The following AFF3 variants were observed in gnomAD, a reference collection of about 807,000 sequenced individuals.
The protein encoded by AFF3 is AF4/FMR2 family member 3.
Under a neutral mutation model 129.7 loss-of-function variants are expected in AFF3, and 32 were observed. The observed-to-expected ratio is 0.25, with a 90% CI of 0.19 to 0.33. The LOEUF (loss-of-function observed/expected upper bound fraction) is 0.33, where lower values mean the gene tolerates loss of function less well. AFF3 is among the 10% of genes least tolerant of loss of function. The probability of loss-of-function intolerance (pLI) is 1.00; values close to 1 mark genes in which losing one functional copy is unlikely to be tolerated. For missense variants in AFF3, 1,373 were observed against 1,592.0 expected, an observed-to-expected ratio of 0.86 and a Z score of 2.34; for synonymous variants, 644 against 635.4, an observed-to-expected ratio of 1.01 and a Z score of -0.20.
intron 18 of AFF3, among the ~76,000 whole-genome samples, chr2:99,575,532 A>AT (rs991673159): frequency 1.3e-5 from 2 of 150,726 alleles, no homozygotes; most frequent in African/African-American, 2.4e-5. Context: ...AAGTGCTGGG[A>AT]TTACAGGCAT....
At position 100,043,934 on chromosome 2, in the gene AFF3, C is replaced by G. The variant is rs145488142; in HGVS notation, c.54-35002G>C. 2.3e-3 allele frequency among the ~76,000 whole-genome samples: 352 copies of G among 152,298 alleles called. 5 individuals are homozygous for G. The highest frequency in any genetic ancestry group is 7.9e-3 in the African/African-American group (330 of 41,562). On this transcript the variant is annotated intron_variant, in intron 4 of 24. Transcript: ENST00000672756. ...TGTTCATCCTCACTTAAATTTGCAG[C>G]CAAAATTATTTTTTCAGTCTCTTTA...
chr2:99,743,142 C>T (rs199635897), intron 10 of AFF3, among the ~76,000 whole-genome samples: 4,663 of 147,234 alleles, frequency 0.032, 266 homozygotes, highest in African/African-American at 0.11. Context: ...GGTGCCTGTA[C>T]CCACAGCAAA....
rs1449016061 is a variant in AFF3 at position 99,766,527 on chromosome 2, C to T, written c.922-14226G>A. 2.0e-5 allele frequency among the ~76,000 whole-genome samples: 3 copies of T among 152,126 alleles called. No homozygotes were observed. The East Asian group carries it at 5.8e-4, about 29-fold the overall frequency. ...CAGAGGCTGGAGGAAAGCTGGTTAG[C>T]CTTGGAAAAACCATCTTTTCTTTTT... On this transcript the variant is annotated intron_variant, in intron 8 of 24. Transcript: ENST00000672756.
chr2:100,060,247 G>A lies in AFF3; in HGVS notation c.53+44155C>T, dbSNP rs1348230340. Among the ~76,000 whole-genome samples the A allele has an allele frequency of 2.0e-5, 3 of 152,198 alleles. No individual in the cohort carries two copies. The East Asian group carries it at 5.8e-4, about 29-fold the overall frequency. On this transcript the variant is annotated intron_variant, in intron 4 of 24. Transcript: ENST00000672756. ...AAAGTCCTGGTGCTACAACAGAGAT[G>A]TAGCCTATGCCAGATAAGCTTTACA...
At chr2:99,935,666 G>T (rs1462503912) in intron 7 of AFF3, among the ~76,000 whole-genome samples, 1 of 152,214 alleles carries the variant, frequency 6.6e-6, no homozygotes, top group Non-Finnish European at 1.5e-5. Flanking sequence ...TCCACCATCA[G>T]TGTTTCTAGG....
chr2:100,074,928 G>A (rs1282109581), intron 4 of AFF3, among the ~76,000 whole-genome samples: 1 of 152,216 alleles, frequency 6.6e-6, no homozygotes, highest in African/African-American at 2.4e-5. Context: ...GAGGAGGCAG[G>A]AAGCCTGCAG....
chr2:100,072,612 T>C (rs1688284247), intron 4 of AFF3, among the ~76,000 whole-genome samples: 2 of 152,002 alleles, frequency 1.3e-5, no homozygotes, highest in South Asian at 4.2e-4. Context: ...CCAGAGAAAG[T>C]GCCCATTTCA....
intron 9 of AFF3, among the ~76,000 whole-genome samples, chr2:99,751,472 A>G (rs753046660): frequency 1.2e-4 from 18 of 152,374 alleles, no homozygotes; most frequent in Non-Finnish European, 1.6e-4. Context: ...CTCTTACTAT[A>G]CAACTTAGGA....
intron 11 of AFF3, chr2:99,707,169 C>A (rs993406596): frequency 1.0e-6 from 1 of 985,470 alleles, no homozygotes; most frequent in Non-Finnish European, 1.2e-6. Flanking sequence ...CCTGTAACAA[C>A]ATCCTAAAAT....
intron 4 of AFF3, among the ~76,000 whole-genome samples, chr2:100,009,214 G>A (rs949614910): frequency 6.0e-4 from 91 of 152,206 alleles, no homozygotes; most frequent in Admixed American, 6.0e-3. Context: ...GACAGGAGAA[G>A]ACTGAAAGTA....
chr2:99,699,862 G>A (rs1051925700), intron 11 of AFF3, among the ~76,000 whole-genome samples: 1 of 152,180 alleles, frequency 6.6e-6, no homozygotes, highest in Non-Finnish European at 1.5e-5. Context: ...GGAATCGAGG[G>A]ATAAACATGA....
intron 8 of AFF3, among the ~76,000 whole-genome samples, chr2:99,824,585 G>T (rs931224468): frequency 6.6e-6 from 1 of 152,194 alleles, no homozygotes; most frequent in African/African-American, 2.4e-5. Context: ...AGGGGAGAGA[G>T]AAATACACAC....
chr2:100,110,297 A>G (rs964722611), intron 2 of AFF3: 2 of 152,222 alleles, frequency 1.3e-5, no homozygotes, highest in African/African-American at 2.4e-5. Flanking sequence ...ACAAATCTCA[A>G]GGTGTTGGTC....
chr2:100,024,802 G>C (rs1683905089), intron 4 of AFF3, among the ~76,000 whole-genome samples: 1 of 151,972 alleles, frequency 6.6e-6, no homozygotes, highest in East Asian at 1.9e-4. Context: ...TAAGTGAAAA[G>C]AATAATTTGT....
intron 11 of AFF3, chr2:99,707,739 A>G (rs1677540418): frequency 1.3e-6 from 1 of 795,008 alleles, no homozygotes; most frequent in African/African-American, 1.9e-5. Context: ...CTTCAGGCTA[A>G]AGAGTCTGTG....
At chr2:99,859,313 T>C (rs1690790592) in intron 7 of AFF3, among the ~76,000 whole-genome samples, 1 of 152,214 alleles carries the variant, frequency 6.6e-6, no homozygotes, top group African/African-American at 2.4e-5. Flanking sequence ...GCATGGAATT[T>C]CTTTTTCTTT....
intron 2 of AFF3, chr2:100,106,525 G>C (rs1269748664): frequency 3.0e-6 from 3 of 999,700 alleles, no homozygotes; most frequent in Non-Finnish European, 3.6e-6. Flanking sequence ...GTGAGATCGA[G>C]ACATTGAGAC....
intron 4 of AFF3, among the ~76,000 whole-genome samples, chr2:100,042,285 GTGCTGCCTTTCACC>G (rs1421856483): frequency 1.3e-5 from 2 of 152,210 alleles, no homozygotes; most frequent in Non-Finnish European, 2.9e-5. Flanking sequence ...ACCCCAGCGA[GTGCTGCCTTTCACC>G]TGCAATCACC....
chr2:99,570,607 G>A (rs1274883076), intron 18 of AFF3, among the ~76,000 whole-genome samples: 3 of 152,030 alleles, frequency 2.0e-5, no homozygotes, highest in Non-Finnish European at 2.9e-5. Context: ...CAAAGTGCTG[G>A]GATTACATGG....
Sources: gnomAD v4.1 joint callset for allele counts (sites outside exome capture counted in the v4.1 genomes callset) on GRCh38, gnomAD v4.1.1 for gene constraint, MANE v1.5 for transcripts, NCBI Gene and HGNC (gene_info 2026-07-23, HGNC 2026-07-21) for gene names.